Variants in SAMD4B observed in about 807,000 individuals in gnomAD.
SAMD4B encodes the protein protein Smaug homolog 2.
In SAMD4B, 5 loss-of-function variants were observed where a neutral mutation model predicts 74.5. That is an observed-to-expected ratio of 0.07 (90% CI 0.04 to 0.14). The LOEUF (loss-of-function observed/expected upper bound fraction) is 0.14. Among genes scored for constraint, SAMD4B ranks in the 10% least tolerant of loss-of-function variants. The pLI, the probability that SAMD4B is intolerant of heterozygous loss-of-function variation, is 1.00. For synonymous variants in SAMD4B, 373 were observed against 374.9 expected (o/e 1.00, Z 0.06); for missense variants, 608 against 921.8 (o/e 0.66, Z 4.41).
At chr19:39,349,138 G>T (rs2075871937) in intron 1 of SAMD4B, among the ~76,000 whole-genome samples, 1 of 152,166 alleles carries the variant, frequency 6.6e-6, no homozygotes, top group East Asian at 1.9e-4. Flanking sequence ...GATAAGCAAG[G>T]CATGTGTAGC....
At chr19:39,346,764 AC>A (rs2075728314) in intron 1 of SAMD4B, among the ~76,000 whole-genome samples, 1 of 152,088 alleles carries the variant, frequency 6.6e-6, no homozygotes, top group Non-Finnish European at 1.5e-5. Flanking sequence ...AGGTATGCAG[AC>A]CCTGGGTCTG....
downstream of SAMD4B, chr19:39,389,874 T>C: frequency 7.0e-7 from 1 of 1,430,284 alleles, no homozygotes; most frequent in Non-Finnish European, 9.8e-7. This position sits in a 1 kb window ranked among gnomAD's most constrained non-coding sequence, Gnocchi z 5.3. Context: ...GTGTCCCCCA[T>C]GGCAGAGTCT....
At chr19:39,361,027 TC>T (rs747394103) in intron 3 of SAMD4B, among the ~76,000 whole-genome samples, 4 of 152,164 alleles carry the variant, frequency 2.6e-5, no homozygotes, top group Non-Finnish European at 5.9e-5. Context: ...CCTGGGTCAG[TC>T]CTGCCTGACC....
chr19:39,358,849 G>C (rs2076486626), intron 3 of SAMD4B, among the ~76,000 whole-genome samples: 2 of 152,148 alleles, frequency 1.3e-5, no homozygotes, highest in South Asian at 4.1e-4. Flanking sequence ...TTGGGTTTTG[G>C]GGAGCCACAC....
At chr19:39,388,546 C>T (rs759770721), downstream of SAMD4B, 62 of 1,613,888 alleles carry the variant, frequency 3.8e-5, no homozygotes, top group South Asian at 3.4e-4. Flanking sequence ...AAAACTTAAC[C>T]GCAACCCACG....
intron 12 of SAMD4B, 127 bp downstream of exon 12, chr19:39,381,240 C>T: frequency 8.9e-7 from 1 of 1,125,240 alleles, no homozygotes; most frequent in Non-Finnish European, 1.2e-6. Flanking sequence ...CCTCACACCA[C>T]TCTGCACCCA....
At position 39,375,040 on chromosome 19, in the gene SAMD4B, G is replaced by T. The variant is rs768935976; in HGVS notation, c.668-610G>T. On this transcript the variant is annotated intron_variant, in intron 4 of 13. Transcript: ENST00000610417. The surrounding 1 kb of genome is among the most constrained non-coding windows in gnomAD (Gnocchi z 4.1). ...GAGATGAGACTTGAGGGAGCCAACC[G>T]CTGAGATCAAGAAGGTAGGAAGAAA... 3.3e-5 allele frequency among the ~76,000 whole-genome samples: 5 copies of T among 152,048 alleles called. No individual in the cohort carries two copies. The highest frequency in any genetic ancestry group is 5.9e-5 in the Non-Finnish European group (4 of 68,012).
chr19:39,349,699 C>T (rs771566109), intron 1 of SAMD4B: 3 of 152,166 alleles, frequency 2.0e-5, no homozygotes, highest in Non-Finnish European at 4.4e-5. Context: ...TTCTCAAAGG[C>T]CTAGGTCGTG....
intron 12 of SAMD4B, among the ~76,000 whole-genome samples, chr19:39,382,206 A>C (rs1242749151): frequency 6.6e-6 from 1 of 152,216 alleles, no homozygotes; most frequent in African/African-American, 2.4e-5. Context: ...CATCATGTTC[A>C]TCCTAGCACA....
intron 1 of SAMD4B, among the ~76,000 whole-genome samples, chr19:39,352,935 C>A (rs2076136203): frequency 6.6e-6 from 1 of 152,080 alleles, no homozygotes; most frequent in African/African-American, 2.4e-5. Context: ...GTAACATGTC[C>A]TTCTATCTTA....
intron 3 of SAMD4B, among the ~76,000 whole-genome samples, chr19:39,366,173 G>A (rs768515353): frequency 1.5e-4 from 23 of 152,306 alleles, no homozygotes; most frequent in Middle Eastern, 3.4e-3. Flanking sequence ...AAAATTAGCC[G>A]GGTGTCATGG....
Position 39,383,162 on chromosome 19 carries a change from A to C in SAMD4B, c.1973-46A>C. ...TTGTCATCCCAGCTGTCTTCACCTG[A>C]GTCCAGTTGGTCCTTACCACCCCCA... is the stretch of plus-strand genomic sequence containing the variant. On this transcript the variant is annotated intron_variant, in intron 12 of 13. Coordinates refer to ENST00000610417, the MANE Select transcript of SAMD4B (RefSeq NM_001384574.2). This position sits in a 1 kb window ranked among gnomAD's most constrained non-coding sequence, Gnocchi z 4.1. 1 of 1,476,430 alleles carries C rather than the reference A, an allele frequency of 6.8e-7. No homozygotes were observed. The highest frequency in any genetic ancestry group is 9.5e-7 in the Non-Finnish European group (1 of 1,054,512). 91.5% of individuals were successfully genotyped at this position (1,476,430 alleles called of 1,614,324 possible).
At chr19:39,349,425 A>G (rs1001880626) in intron 1 of SAMD4B, among the ~76,000 whole-genome samples, 7 of 152,148 alleles carry the variant, frequency 4.6e-5, no homozygotes, top group Admixed American at 2.0e-4. Context: ...GGAGCTCCCC[A>G]TACTGTACTT....
rs550271453 is a variant in SAMD4B, at chr19:39,356,847, G to T, written c.-47G>T. 1 of 1,526,572 alleles carries T rather than the reference G, an allele frequency of 6.6e-7. No homozygotes were observed. The highest frequency in any genetic ancestry group is 1.2e-5 in the South Asian group (1 of 83,434). The allele number at this position is 1,526,572 out of a possible 1,614,324, so 94.6% of individuals were successfully genotyped here. ...AGAGCCGGGACCATGTGACGGCGCT[G>T]GCCCTCGCCACCGCCGTCCCCCGAC... On this transcript the variant is annotated 5_prime_UTR_variant, in exon 3 of 14. Transcript: ENST00000610417.
chr19:39,380,657 C>A lies in SAMD4B; in HGVS notation c.1720C>A (p.Arg574=), dbSNP rs747829862. ...GATGGGAGTGGCCCGGCGTACCCAG[C>A]GGCAGTTCCCAATGCCTCCCCGGGC... ...VGMGVARRTQ[R]QFPMPPRALP... is the part of the protein sequence containing the mutation. The change falls in exon 11 of 14, where the codon CGG becomes AGG. Residue 574 remains arginine, a synonymous_variant. Coordinates refer to ENST00000610417, the MANE Select transcript of SAMD4B (RefSeq NM_001384574.2). 17 of 1,613,890 alleles carry A rather than the reference C, an allele frequency of 1.1e-5. No individual in the cohort carries two copies. The African/African-American group carries it at 1.7e-4, about 16-fold the overall frequency.
intron 1 of SAMD4B, among the ~76,000 whole-genome samples, chr19:39,343,048 C>G (rs2075417668): frequency 6.6e-6 from 1 of 152,000 alleles, no homozygotes; most frequent in South Asian, 2.1e-4. Flanking sequence ...CCTCCTGTCT[C>G]CAGAAATAGT....
chr19:39,377,877 C>T (rs1460538562), intron 8 of SAMD4B, 53 bp downstream of exon 8: 4 of 1,505,228 alleles, frequency 2.7e-6, no homozygotes, highest in Non-Finnish European at 3.6e-6. Flanking sequence ...GCCAAGTGAA[C>T]CCAAGCACCA....
downstream of SAMD4B, chr19:39,390,380 G>A: frequency 3.2e-6 from 4 of 1,255,200 alleles, no homozygotes; most frequent in South Asian, 2.6e-5. Context: ...AAAGGTAGGA[G>A]GGGTGACAAA....
chr19:39,361,261 A>C (rs1011957307), intron 3 of SAMD4B, among the ~76,000 whole-genome samples: 1 of 152,100 alleles, frequency 6.6e-6, no homozygotes, highest in East Asian at 1.9e-4. Context: ...ACCCTCCCCA[A>C]AAAGATGCAC....
Sources: gnomAD v4.1 joint callset for allele counts (sites outside exome capture counted in the v4.1 genomes callset) on GRCh38, gnomAD v4.1.1 for gene constraint, Gnocchi (gnomAD v3.1) non-coding constraint, MANE v1.5 for transcripts, NCBI Gene and HGNC (gene_info 2026-07-23, HGNC 2026-07-21) for gene names.